The following TPRG1 variants were observed in gnomAD, a reference collection of about 807,000 sequenced individuals.
The protein encoded by TPRG1 is tumor protein p63-regulated gene 1 protein.
A neutral mutation model predicts 29.3 loss-of-function variants in TPRG1; 29 were observed. That is an observed-to-expected ratio of 0.99 (90% confidence interval 0.74 to 1.35). The LOEUF (loss-of-function observed/expected upper bound fraction) is 1.35, where lower values mean the gene tolerates loss of function less well. Ranked by LOEUF, TPRG1 falls within the 40% of genes most tolerant of loss-of-function variation. The pLI is 0.00. For synonymous variants in TPRG1, 130 were observed against 116.8 expected, an observed-to-expected ratio of 1.11 and a Z score of -0.73; for missense variants, 327 against 335.0, an observed-to-expected ratio of 0.98 and a Z score of 0.19.
chr3:189,087,845 T>G (rs1718060188), intron 4 of TPRG1, among the ~76,000 whole-genome samples: 1 of 152,140 alleles, frequency 6.6e-6, no homozygotes, highest in Non-Finnish European at 1.5e-5. Context: ...CTGAGGGCTC[T>G]GTTCTGTTCC....
At position 189,314,235 on chromosome 3, in the gene TPRG1, G is replaced by C. The variant is rs920512806; in HGVS notation, c.633+3696G>C. ...TTTCTGTAGAACTTGGGGTAGGGTT[G>C]GTTGTCAGGCAGTTAGAAATTTAGG... is the stretch of plus-strand genomic sequence containing the variant. On this transcript the variant is annotated intron_variant, in intron 5 of 5. Coordinates refer to ENST00000345063, the MANE Select transcript of TPRG1 (RefSeq NM_198485.4). 2.6e-5 allele frequency among the ~76,000 whole-genome samples: 4 copies of C among 152,218 alleles called. No homozygotes were observed. The South Asian group carries it at 6.2e-4, about 24-fold the overall frequency.
At position 189,181,471 on chromosome 3, in the gene TPRG1, C is replaced by G. The variant is rs150983955; in HGVS notation, c.-10+9340C>G. 3.4e-3 allele frequency among the ~76,000 whole-genome samples: 525 copies of G among 152,302 alleles called. 1 individual carries two copies. Among genetic ancestry groups the G allele is most frequent in the African/African-American group, 0.012 (485 of 41,564 alleles). On this transcript the variant is annotated intron_variant, in intron 1 of 5. Transcript: ENST00000345063. ...GCTTCTGGCAGGTACTCTAAATCAT[C>G]TCTCTCAAGTTCAAAGTTCCACAAA...
chr3:189,229,484 A>G (rs960080034), intron 3 of TPRG1, among the ~76,000 whole-genome samples: 1 of 152,208 alleles, frequency 6.6e-6, no homozygotes. Context: ...AAAATTCTCT[A>G]TCTTGGGAAT....
intron 4 of TPRG1, among the ~76,000 whole-genome samples, chr3:189,268,237 G>A (rs187186924): frequency 2.6e-5 from 4 of 152,262 alleles, no homozygotes; most frequent in Admixed American, 1.3e-4. Context: ...AAGAATGCCC[G>A]GGGTTTGATT....
At chr3:189,006,987 C>A (rs1250132618) in intron 3 of TPRG1, among the ~76,000 whole-genome samples, 2 of 152,008 alleles carry the variant, frequency 1.3e-5, no homozygotes, top group African/African-American at 4.8e-5. Flanking sequence ...TAGGCATGGG[C>A]AAGGACTTCA....
rs956806640 is a variant in TPRG1, at chr3:189,233,589, T to G, written c.303-5144T>G. Among the ~76,000 whole-genome samples the G allele has an allele frequency of 8.9e-4, 136 of 152,298 alleles. 1 individual carries two copies. Among genetic ancestry groups the G allele is most frequent in the Admixed American group, 2.3e-3 (35 of 15,300 alleles). On this transcript the variant is annotated intron_variant, in intron 3 of 5. Coordinates refer to ENST00000345063, the MANE Select transcript of TPRG1 (RefSeq NM_198485.4). ...AACTGGAAGAGATGCACAGACTCCT[T>G]CGCCAGGGAAGACGGGCTCTCACAA...
intron 4 of TPRG1, among the ~76,000 whole-genome samples, chr3:189,261,218 A>G (rs780456846): frequency 7.2e-5 from 11 of 152,152 alleles, no homozygotes; most frequent in Non-Finnish European, 1.6e-4. Context: ...TGTGATGTTC[A>G]TTACTTTTTT....
chr3:189,236,798 C>CT (rs1300846802), intron 3 of TPRG1, among the ~76,000 whole-genome samples: 1 of 152,066 alleles, frequency 6.6e-6, no homozygotes, highest in Non-Finnish European at 1.5e-5. Context: ...TTCTGTCTCC[C>CT]TTTTTCTGTC....
upstream of TPRG1, among the ~76,000 whole-genome samples, chr3:189,169,795 C>A (rs565717587): frequency 6.6e-6 from 1 of 152,338 alleles, no homozygotes; most frequent in East Asian, 1.9e-4. Flanking sequence ...TCCCATTGCA[C>A]GGAAGAGGCA....
intron 1 of TPRG1, among the ~76,000 whole-genome samples, chr3:189,204,699 T>A (rs1032966757): frequency 2.6e-5 from 4 of 152,182 alleles, no homozygotes; most frequent in African/African-American, 9.7e-5. Context: ...CTTTCGCAGA[T>A]GTCTGTTGTT....
chr3:189,114,485 G>A (rs1720938612), intron 1 of TPRG1, among the ~76,000 whole-genome samples: 1 of 152,132 alleles, frequency 6.6e-6, no homozygotes. Flanking sequence ...GTTTCACCAT[G>A]TTGCCCAGGC....
At chr3:189,239,795 G>T (rs565610575) in intron 4 of TPRG1, among the ~76,000 whole-genome samples, 2 of 152,320 alleles carry the variant, frequency 1.3e-5, no homozygotes, top group Admixed American at 6.5e-5. Context: ...TGACGTAGGG[G>T]TGGTGAGGTG....
At chr3:189,284,167 T>G (rs916154443) in intron 4 of TPRG1, among the ~76,000 whole-genome samples, 2 of 151,176 alleles carry the variant, frequency 1.3e-5, no homozygotes, top group Non-Finnish European at 1.5e-5. Flanking sequence ...CCTCCCCGCA[T>G]TTTTCTTTTC....
chr3:189,269,471 G>C (rs1433606632), intron 4 of TPRG1, among the ~76,000 whole-genome samples: 2 of 152,172 alleles, frequency 1.3e-5, no homozygotes, highest in African/African-American at 4.8e-5. Context: ...AAATACAAGT[G>C]AGAAGAGGCA....
At chr3:189,262,422 G>A (rs1032010896) in intron 4 of TPRG1, among the ~76,000 whole-genome samples, 5 of 152,018 alleles carry the variant, frequency 3.3e-5, no homozygotes, top group African/African-American at 1.2e-4. Context: ...AGAGAGGTCG[G>A]TTGAGACAAA....
intron 4 of TPRG1, among the ~76,000 whole-genome samples, chr3:189,284,109 A>C (rs1017163898): frequency 6.6e-6 from 1 of 152,138 alleles, no homozygotes; most frequent in Non-Finnish European, 1.5e-5. Context: ...CCAGGTTTGG[A>C]TAAATGTTTC....
intron 3 of TPRG1, among the ~76,000 whole-genome samples, chr3:189,137,999 C>T (rs575926867): frequency 3.0e-4 from 45 of 152,256 alleles, no homozygotes; most frequent in South Asian, 1.5e-3. Flanking sequence ...CTGCCTTAGA[C>T]GTCCATTAAA....
At chr3:189,079,174 TA>T (rs1420521710) in intron 4 of TPRG1, among the ~76,000 whole-genome samples, 7 of 152,108 alleles carry the variant, frequency 4.6e-5, no homozygotes, top group Non-Finnish European at 1.0e-4. Context: ...CTCCTTTTAA[TA>T]GCTAGATCTC....
At chr3:189,312,744 A>T (rs1342542005) in intron 5 of TPRG1, among the ~76,000 whole-genome samples, 1 of 152,212 alleles carries the variant, frequency 6.6e-6, no homozygotes, top group African/African-American at 2.4e-5. Flanking sequence ...ATAAAGATGA[A>T]AAGTAAAATA....
Sources: gnomAD v4.1 joint callset for allele counts (sites outside exome capture counted in the v4.1 genomes callset) on GRCh38, gnomAD v4.1.1 for gene constraint, MANE v1.5 for transcripts, NCBI Gene and HGNC (gene_info 2026-07-23, HGNC 2026-07-21) for gene names.